CACNG2: variants seen among roughly 807,000 people sequenced by gnomAD.
The protein encoded by CACNG2 is voltage-dependent calcium channel gamma-2 subunit.
CACNG2 carries 3 observed loss-of-function variants against 25.9 expected under a neutral mutation model. The observed-to-expected ratio is 0.12, with a 90% CI of 0.05 to 0.30. CACNG2 has a LOEUF of 0.30. Ranked by LOEUF, CACNG2 falls within the 10% of genes least tolerant of loss-of-function variation. The pLI is 1.00. For synonymous variants in CACNG2, 167 were observed against 173.3 expected (o/e 0.96, Z 0.29); for missense variants, 341 against 432.5 (o/e 0.79, Z 1.88).
chr22:36,690,510 C>A (rs899099579), intron 1 of CACNG2, among the ~76,000 whole-genome samples: 1 of 152,196 alleles, frequency 6.6e-6, no homozygotes, highest in Non-Finnish European at 1.5e-5. Context: ...ATGACAGCAC[C>A]CGACATTTGT....
At chr22:36,577,785 G>C (rs1307855709) in intron 2 of CACNG2, among the ~76,000 whole-genome samples, 1 of 152,156 alleles carries the variant, frequency 6.6e-6, no homozygotes. Context: ...ACAAGTGGCA[G>C]CTTAGATGTT....
intron 1 of CACNG2, among the ~76,000 whole-genome samples, chr22:36,611,769 G>A (rs996398228): frequency 6.6e-6 from 1 of 152,146 alleles, no homozygotes; most frequent in Non-Finnish European, 1.5e-5. Context: ...TGTCTGGTCA[G>A]GACCGAGGCC....
At chr22:36,616,541 G>A (rs1482326360) in intron 1 of CACNG2, among the ~76,000 whole-genome samples, 1 of 152,114 alleles carries the variant, frequency 6.6e-6, no homozygotes, top group Non-Finnish European at 1.5e-5. Context: ...GAGTATTGCT[G>A]ATAGAGGTCT....
At chr22:36,584,878 G>C (rs1603500856) in intron 2 of CACNG2, 1 of 152,396 alleles carries the variant, frequency 6.6e-6, no homozygotes, top group East Asian at 1.9e-4. Flanking sequence ...GGGTTTGACA[G>C]ACCTTAACTA....
intron 1 of CACNG2, among the ~76,000 whole-genome samples, chr22:36,628,148 C>A (rs1936212752): frequency 6.6e-6 from 1 of 152,078 alleles, no homozygotes. Context: ...TGTATGTACT[C>A]AAGTTTTTAT....
chr22:36,692,217 A>C (rs1937275503), intron 1 of CACNG2, among the ~76,000 whole-genome samples: 1 of 152,226 alleles, frequency 6.6e-6, no homozygotes, highest in Admixed American at 6.5e-5. Context: ...TCCTACAACG[A>C]GGCTCCAGCA....
chr22:36,683,989 C>G (rs2146006587), intron 1 of CACNG2, among the ~76,000 whole-genome samples: 1 of 152,288 alleles, frequency 6.6e-6, no homozygotes, highest in Admixed American at 6.5e-5. Context: ...TGTGAATTGG[C>G]CTCTGACCTT....
At chr22:36,615,604 C>T (rs527674612) in intron 1 of CACNG2, among the ~76,000 whole-genome samples, 1 of 152,322 alleles carries the variant, frequency 6.6e-6, no homozygotes, top group East Asian at 1.9e-4. Flanking sequence ...TTATCACGTA[C>T]CCTGCATTCA....
rs558994209 is a variant in CACNG2, at chr22:36,650,265, C to A, written c.211+52101G>T. On this transcript the variant is annotated intron_variant, in intron 1 of 3. Coordinates refer to ENST00000300105, the MANE Select transcript of CACNG2 (RefSeq NM_006078.5). ...AACGTCCTCACAGTGGCCTATAAGG[C>A]CCCATGTGACATGCCTCCCTTCACC... 6.7e-3 allele frequency among the ~76,000 whole-genome samples: 1,025 copies of A among 152,310 alleles called. 9 individuals are homozygous for A. Among genetic ancestry groups the A allele is most frequent in the African/African-American group, 0.024 (990 of 41,550 alleles).
intron 1 of CACNG2, among the ~76,000 whole-genome samples, chr22:36,592,724 C>T (rs1935615458): frequency 6.6e-6 from 1 of 151,660 alleles, no homozygotes. Context: ...CATGCTTTGA[C>T]ACAGGAAACC....
At chr22:36,674,599 G>A (rs1206870836) in intron 1 of CACNG2, among the ~76,000 whole-genome samples, 1 of 152,220 alleles carries the variant, frequency 6.6e-6, no homozygotes, top group Non-Finnish European at 1.5e-5. Context: ...AAAGTATTGG[G>A]ATTACAGGCG....
intron 1 of CACNG2, among the ~76,000 whole-genome samples, chr22:36,646,206 A>G (rs1456438826): frequency 6.6e-6 from 1 of 152,236 alleles, no homozygotes; most frequent in Non-Finnish European, 1.5e-5. Flanking sequence ...TTATGGAGAA[A>G]TAACTATTTT....
rs75141942 is a variant in CACNG2 at position 36,590,200 on chromosome 22, C to T, written c.212-2652G>A. ...GTGTGCAAGCCTGGGCTTCACTCATCCTTGGACCATTGGCTCCTAGCGCAG... is the reference window on the plus strand; with the variant it reads ...GTGTGCAAGCCTGGGCTTCACTCATTCTTGGACCATTGGCTCCTAGCGCAG... On this transcript the variant is annotated intron_variant, in intron 1 of 3. Coordinates refer to ENST00000300105, the MANE Select transcript of CACNG2 (RefSeq NM_006078.5). Among the ~76,000 whole-genome samples the T allele has an allele frequency of 5.8e-3, 877 of 152,258 alleles. 12 individuals are homozygous for T. The highest frequency in any genetic ancestry group is 0.021 in the African/African-American group (855 of 41,532).
chr22:36,628,198 T>C (rs1362328318), intron 1 of CACNG2, among the ~76,000 whole-genome samples: 1 of 152,222 alleles, frequency 6.6e-6, no homozygotes, highest in Admixed American at 6.5e-5. Context: ...GAATAATGTG[T>C]GCTATTTATA....
At chr22:36,586,689 G>A (rs1461460513) in intron 2 of CACNG2, among the ~76,000 whole-genome samples, 2 of 151,910 alleles carry the variant, frequency 1.3e-5, no homozygotes, top group Non-Finnish European at 2.9e-5. Flanking sequence ...GTTGCTCCTG[G>A]GAGGAGAGCA....
chr22:36,689,785 C>T (rs1396323596), intron 1 of CACNG2, among the ~76,000 whole-genome samples: 1 of 152,246 alleles, frequency 6.6e-6, no homozygotes, highest in Non-Finnish European at 1.5e-5. Context: ...TAAAGCATGC[C>T]ACGTGGCTGG....
In CACNG2 at chr22:36,564,806, T is replaced by C; in HGVS notation, c.517A>G (p.Ser173Gly). The stretch of plus-strand genomic sequence containing the variant: ...TAGAAGGACCAGCCGTATGAGTAAC[T>C]ATTCTTTTTGGAGTCGCTCTTGGAG... Reference protein sequence around the residue: ...DPSKSDSKKNSYSYGWSFYFG... With the variant: ...DPSKSDSKKNGYSYGWSFYFG... Residue 173 changes from serine (S) to glycine (G), a missense_variant, in exon 4 of 4, where the codon AGT (serine) becomes GGT (glycine). Physicochemically the swap from Ser to Gly is moderately conservative, Grantham distance 56 (BLOSUM62 0). Around this residue, in one of 2 missense-constraint regions of CACNG2, gnomAD observed 169 missense variants for 254.4 expected, o/e 0.66. Transcript: ENST00000300105. The surrounding 1 kb of genome is among the most constrained non-coding windows in gnomAD (Gnocchi z 6.7). 1 of 1,614,210 alleles carries C rather than the reference T, an allele frequency of 6.2e-7. No homozygotes were observed. The highest frequency in any genetic ancestry group is 8.5e-7 in the Non-Finnish European group (1 of 1,180,030).
chr22:36,610,757 C>G (rs185897127), intron 1 of CACNG2, among the ~76,000 whole-genome samples: 2 of 152,198 alleles, frequency 1.3e-5, no homozygotes, highest in African/African-American at 4.8e-5. Context: ...CTGATCCAGA[C>G]AGCTCAGCGA....
At chr22:36,609,543 C>T (rs1345630792) in intron 1 of CACNG2, among the ~76,000 whole-genome samples, 1 of 140,920 alleles carries the variant, frequency 7.1e-6, no homozygotes, top group Non-Finnish European at 1.5e-5. Flanking sequence ...AATCAGCCCC[C>T]CAGAGCGTGA....
Sources: allele counts gnomAD v4.1 joint callset (sites outside exome capture counted in the v4.1 genomes callset), GRCh38; gene constraint gnomAD v4.1.1; regional missense constraint gnomAD v4.1.1; non-coding constraint Gnocchi (gnomAD v3.1); transcripts MANE v1.5; gene names NCBI Gene and HGNC (gene_info 2026-07-23, HGNC 2026-07-21).